Variants in PAX3 observed in about 807,000 individuals in gnomAD.
The protein encoded by PAX3 is paired box 3.
In PAX3, 14 loss-of-function variants were observed where a neutral mutation model predicts 51.6. The observed-to-expected ratio is 0.27, with a 90% CI of 0.18 to 0.42. The LOEUF is 0.42. Among genes scored for constraint, PAX3 ranks in the 10% least tolerant of loss-of-function variants. The pLI is 1.00. For synonymous variants in PAX3, 280 were observed against 253.4 expected, an observed-to-expected ratio of 1.11 and a Z score of -1.00; for missense variants, 540 against 642.8, an observed-to-expected ratio of 0.84 and a Z score of 1.73.
intron 4 of PAX3, among the ~76,000 whole-genome samples, chr2:222,284,302 T>C (rs1442778728): frequency 6.6e-6 from 1 of 152,158 alleles, no homozygotes; most frequent in African/African-American, 2.4e-5. Context: ...AATGGATGTA[T>C]GAGACTCGTT....
At chr2:222,242,877 A>C (rs10932948) in intron 4 of PAX3, among the ~76,000 whole-genome samples, 82,849 of 152,030 alleles carry the variant, frequency 0.54, 23,042 homozygotes, top group East Asian at 0.83. Flanking sequence ...CATAATTGAC[A>C]AAGACAAAGT....
intron 4 of PAX3, among the ~76,000 whole-genome samples, chr2:222,280,182 G>A (rs954926387): frequency 6.6e-6 from 1 of 151,700 alleles, no homozygotes; most frequent in Non-Finnish European, 1.5e-5. Flanking sequence ...TTGCACTGCA[G>A]CCTGGGCAAC....
intron 7 of PAX3, among the ~76,000 whole-genome samples, chr2:222,219,147 A>G (rs757770881): frequency 6.6e-6 from 1 of 152,182 alleles, no homozygotes; most frequent in Admixed American, 6.5e-5. Flanking sequence ...CAGCGGTGAT[A>G]GTCAGTGATT....
intron 4 of PAX3, chr2:222,264,152 A>G (rs1448626637): frequency 1.3e-5 from 2 of 152,224 alleles, no homozygotes; most frequent in African/African-American, 4.8e-5. Flanking sequence ...CCAACTGTCC[A>G]TCGTAGAAGA....
At chr2:222,237,127 C>G (rs1692827132) in intron 4 of PAX3, among the ~76,000 whole-genome samples, 1 of 152,044 alleles carries the variant, frequency 6.6e-6, no homozygotes, top group South Asian at 2.1e-4. Context: ...CCCTTCCCCC[C>G]TAACTTCACA....
chr2:222,267,921 T>A (rs571058185), intron 4 of PAX3, among the ~76,000 whole-genome samples: 1 of 152,224 alleles, frequency 6.6e-6, no homozygotes, highest in African/African-American at 2.4e-5. Context: ...AAAAGGAAAG[T>A]TTTCAAGCAT....
At chr2:222,203,057 G>A (rs1290055580) in intron 7 of PAX3, among the ~76,000 whole-genome samples, 120 of 39,476 alleles carry the variant, frequency 3.0e-3, no homozygotes, top group Middle Eastern at 0.022. Flanking sequence ...ATATATATAT[G>A]AAGTGTTAAA....
intron 2 of PAX3, among the ~76,000 whole-genome samples, chr2:222,295,899 C>T (rs1364837362): frequency 6.6e-6 from 1 of 152,170 alleles, no homozygotes; most frequent in Non-Finnish European, 1.5e-5. Flanking sequence ...CCCAGACAAC[C>T]GGGATAAATT....
At chr2:222,278,939 G>A (rs1015513778) in intron 4 of PAX3, among the ~76,000 whole-genome samples, 2 of 152,074 alleles carry the variant, frequency 1.3e-5, no homozygotes, top group Non-Finnish European at 2.9e-5. Flanking sequence ...TTTTGTTTTT[G>A]TTGTTGTTGT....
intron 4 of PAX3, among the ~76,000 whole-genome samples, chr2:222,243,650 A>G (rs1344146636): frequency 1.3e-5 from 2 of 152,238 alleles, no homozygotes. Flanking sequence ...TTTAGTATAA[A>G]GATCAAAATA....
chr2:222,288,439 C>A (rs1299621488), intron 4 of PAX3, among the ~76,000 whole-genome samples: 1 of 152,112 alleles, frequency 6.6e-6, no homozygotes, highest in Non-Finnish European at 1.5e-5. Flanking sequence ...GTCATCTAAC[C>A]ATCTATAAAC....
At chr2:222,245,341 G>A (rs193083690) in intron 4 of PAX3, among the ~76,000 whole-genome samples, 144 of 152,292 alleles carry the variant, frequency 9.5e-4, no homozygotes, top group African/African-American at 3.4e-3. Context: ...ATATTTGCTT[G>A]GAGGCAAATT....
intron 5 of PAX3, among the ~76,000 whole-genome samples, chr2:222,231,198 A>G (rs1475954683): frequency 6.6e-6 from 1 of 152,192 alleles, no homozygotes; most frequent in Non-Finnish European, 1.5e-5. Flanking sequence ...TCAACTGACT[A>G]GTCCACTGCT....
At chr2:222,266,080 C>T (rs1288381026) in intron 4 of PAX3, among the ~76,000 whole-genome samples, 2 of 152,156 alleles carry the variant, frequency 1.3e-5, no homozygotes, top group African/African-American at 2.4e-5. Flanking sequence ...TTTACAAGTA[C>T]AAAATCTGGC....
At chr2:222,293,986 G>A in intron 4 of PAX3, 181 bp downstream of exon 4, 2 of 1,527,382 alleles carry the variant, frequency 1.3e-6, no homozygotes, top group Non-Finnish European at 1.7e-6. Context: ...AGAAATGTTT[G>A]TTTTGATTCC....
intron 4 of PAX3, among the ~76,000 whole-genome samples, chr2:222,253,633 CTT>C (rs5838943): frequency 6.8e-6 from 1 of 146,476 alleles, no homozygotes; most frequent in Non-Finnish European, 1.5e-5. Flanking sequence ...CAAAACTTTT[CTT>C]TTTTTTTTTT....
chr2:222,232,074 G>A lies in PAX3; in HGVS notation c.792+4C>T, dbSNP rs774353698. On this transcript the variant is annotated splice_donor_region_variant and intron_variant, in intron 5 of 8. Coordinates refer to ENST00000392070, the MANE Select transcript of PAX3 (RefSeq NM_181458.4). Reference sequence around the variant, plus strand: ...GTAGGACACGGAGGTTTGGGCAACAGTACCTGTACTCGGGCCTCGGTGAGC... The same window carrying A: ...GTAGGACACGGAGGTTTGGGCAACAATACCTGTACTCGGGCCTCGGTGAGC... 1 of 1,613,420 alleles carries A rather than the reference G, an allele frequency of 6.2e-7. No homozygotes were observed. The highest frequency in any genetic ancestry group is 8.5e-7 in the Non-Finnish European group (1 of 1,179,710).
intron 4 of PAX3, among the ~76,000 whole-genome samples, chr2:222,290,810 A>T (rs1459734066): frequency 6.6e-6 from 1 of 151,970 alleles, no homozygotes; most frequent in Non-Finnish European, 1.5e-5. Flanking sequence ...GGAGATGATG[A>T]AGGGGCAGTT....
intron 5 of PAX3, among the ~76,000 whole-genome samples, chr2:222,231,113 T>C (rs1475940757): frequency 6.6e-6 from 1 of 152,220 alleles, no homozygotes; most frequent in Non-Finnish European, 1.5e-5. Context: ...TGGAAGAGGC[T>C]ATTTCTGTAA....
Sources: allele counts gnomAD v4.1 joint callset (sites outside exome capture counted in the v4.1 genomes callset), GRCh38; gene constraint gnomAD v4.1.1; transcripts MANE v1.5; gene names NCBI Gene and HGNC (gene_info 2026-07-23, HGNC 2026-07-21).